SHANK2: variants seen among roughly 807,000 people sequenced by gnomAD.
SHANK2 encodes SH3 and multiple ankyrin repeat domains 2.
SHANK2 carries 43 observed loss-of-function variants against 133.7 expected under a neutral mutation model. The ratio of observed to expected loss-of-function variants is 0.32; its 90% CI spans 0.25 to 0.41. The LOEUF is 0.41. Among genes scored for constraint, SHANK2 ranks in the 10% least tolerant of loss-of-function variants. The pLI, the probability that SHANK2 is intolerant of heterozygous loss-of-function variation, is 1.00. For missense variants in SHANK2, 1,994 were observed against 2,235.8 expected (o/e 0.89, Z 2.18); for synonymous variants, 1,017 against 952.8 (o/e 1.07, Z -1.24).
intron 11 of SHANK2, among the ~76,000 whole-genome samples, chr11:70,847,728 A>T (rs1949017266): frequency 6.6e-6 from 1 of 152,136 alleles, no homozygotes; most frequent in South Asian, 2.1e-4. Context: ...AAACTCTCCC[A>T]CATCCCCACA....
At chr11:70,566,723 C>T (rs1554981959) in intron 17 of SHANK2, 1 of 152,206 alleles carries the variant, frequency 6.6e-6, no homozygotes, top group African/African-American at 2.4e-5. Flanking sequence ...GAGCAGCTAT[C>T]CTGGCTTGCA....
rs1555159203 is a variant in SHANK2, at chr11:70,502,922, C to T, written c.2071G>A (p.Glu691Lys). 1 of 1,614,130 alleles carries T rather than the reference C, an allele frequency of 6.2e-7. No homozygotes were observed. The highest frequency in any genetic ancestry group is 8.5e-7 in the Non-Finnish European group (1 of 1,180,016). The part of the protein sequence containing the change: ...TGDFLIEVNN[E>K]NVVKVGHRQV... Reference sequence around the variant, plus strand: ...CTGTGGCCGACTTTGACAACATTCTCATTGTTAACCTGTGGGAAGGCGGAG... The same window carrying T: ...CTGTGGCCGACTTTGACAACATTCTTATTGTTAACCTGTGGGAAGGCGGAG... The change falls in exon 18 of 26, where the codon GAG becomes AAG. Residue 691 changes from glutamate (E) to lysine (K), a missense_variant. Around this residue, in one of 5 missense-constraint regions of SHANK2, gnomAD observed 488 missense variants for 642.6 expected, o/e 0.76. Coordinates refer to ENST00000601538, the MANE Select transcript of SHANK2 (RefSeq NM_012309.5).
chr11:71,253,115 G>A (rs932544900), upstream of SHANK2, among the ~76,000 whole-genome samples: 10 of 152,146 alleles, frequency 6.6e-5, no homozygotes, highest in African/African-American at 9.7e-5. Flanking sequence ...CGGTATCTCC[G>A]CCAGCTGCCC....
At chr11:70,879,109 C>G (rs575741291) in intron 11 of SHANK2, among the ~76,000 whole-genome samples, 1 of 152,310 alleles carries the variant, frequency 6.6e-6, no homozygotes, top group Admixed American at 6.5e-5. Flanking sequence ...ACTGATGCCT[C>G]CATCTGGCAC....
rs115504459 is a variant in SHANK2 at position 70,568,937 on chromosome 11, G to A, written c.2062-66006C>T. Among the ~76,000 whole-genome samples, 690 of 152,290 alleles carry A rather than the reference G, an allele frequency of 4.5e-3. 6 individuals carry two copies. The highest frequency in any genetic ancestry group is 0.016 in the African/African-American group (664 of 41,570). ...AAGCCTGCCTGTGTCCAGCAAGAGT[G>A]CAGCTGTGTGGCCAGTGGACTCAGC... On this transcript the variant is annotated intron_variant, in intron 17 of 25. Transcript: ENST00000601538.
At position 70,828,951 on chromosome 11, in the gene SHANK2, C is replaced by T. The variant is rs545321153; in HGVS notation, c.1175-8269G>A. Among the ~76,000 whole-genome samples the T allele has an allele frequency of 3.6e-4, 55 of 152,382 alleles. No homozygotes were observed. The South Asian group carries it at 0.011, about 32-fold the overall frequency. On this transcript the variant is annotated intron_variant, in intron 11 of 25. Transcript: ENST00000601538. ...TGAGCCAATCACTGCTCCGGCGCTG[C>T]TGCCTCTGCGGCCTGCCATGGTGTG...
chr11:70,575,784 C>T (rs558364267), intron 17 of SHANK2, among the ~76,000 whole-genome samples: 187 of 151,574 alleles, frequency 1.2e-3, no homozygotes, highest in African/African-American at 4.3e-3. Flanking sequence ...GCATAGCCCC[C>T]GCCCGTGGTG....
At chr11:70,575,439 A>G (rs1177702340) in intron 17 of SHANK2, among the ~76,000 whole-genome samples, 1 of 150,404 alleles carries the variant, frequency 6.6e-6, no homozygotes, top group Non-Finnish European at 1.5e-5. Context: ...GAATTGCTTG[A>G]ACCCGGGAGG....
intron 14 of SHANK2, among the ~76,000 whole-genome samples, chr11:70,699,088 C>A (rs782465403): frequency 2.4e-4 from 36 of 152,138 alleles, no homozygotes; most frequent in Non-Finnish European, 5.0e-4. Flanking sequence ...CAGCTCAGAC[C>A]CCAACAGGGC....
intron 14 of SHANK2, among the ~76,000 whole-genome samples, chr11:70,729,547 T>C (rs748732720): frequency 1.5e-3 from 217 of 149,418 alleles, no homozygotes; most frequent in Non-Finnish European, 2.2e-3. Flanking sequence ...TTTTTTGAGA[T>C]GGAGTCTCAC....
At chr11:71,173,117 G>A (rs571415007) in intron 2 of SHANK2, among the ~76,000 whole-genome samples, 4 of 152,354 alleles carry the variant, frequency 2.6e-5, no homozygotes, top group African/African-American at 9.6e-5. Context: ...CTTGTTTGAT[G>A]AAGTGTCTTA....
chr11:70,643,094 G>GC (rs1214791099), intron 17 of SHANK2, among the ~76,000 whole-genome samples: 1 of 152,124 alleles, frequency 6.6e-6, no homozygotes, highest in African/African-American at 2.4e-5. Context: ...AAATAGCTGA[G>GC]CCCCCTGTGA....
At chr11:70,630,400 C>T (rs782626849) in intron 17 of SHANK2, among the ~76,000 whole-genome samples, 2 of 152,188 alleles carry the variant, frequency 1.3e-5, no homozygotes, top group African/African-American at 2.4e-5. Flanking sequence ...AAGAGATCTG[C>T]GGACAAAGTG....
chr11:71,150,656 G>A (rs1345752937), intron 2 of SHANK2, among the ~76,000 whole-genome samples: 17 of 152,046 alleles, frequency 1.1e-4, no homozygotes, highest in African/African-American at 2.2e-4. Flanking sequence ...CATGTCCAGC[G>A]CATGTTCTTT....
At chr11:70,512,638 CTTCCTGAAGAAATAT>C (rs1554969457) in intron 17 of SHANK2, among the ~76,000 whole-genome samples, 1 of 152,174 alleles carries the variant, frequency 6.6e-6, no homozygotes, top group Non-Finnish European at 1.5e-5. Context: ...TTAAGTTTGT[CTTCCTGAAGAAATAT>C]TTCCTGAAGA....
At chr11:71,074,322 T>C (rs1951190778) in intron 9 of SHANK2, among the ~76,000 whole-genome samples, 2 of 152,144 alleles carry the variant, frequency 1.3e-5, no homozygotes, top group Non-Finnish European at 2.9e-5. Context: ...TAATGATGGT[T>C]TTGCAAATCA....
chr11:70,712,738 G>A (rs185165690), intron 14 of SHANK2, among the ~76,000 whole-genome samples: 13 of 152,324 alleles, frequency 8.5e-5, no homozygotes, highest in African/African-American at 2.6e-4. Flanking sequence ...TCGGCTAAAA[G>A]CGCCCAGCTC....
At chr11:70,700,981 T>C (rs1555023475) in intron 14 of SHANK2, among the ~76,000 whole-genome samples, 1 of 152,254 alleles carries the variant, frequency 6.6e-6, no homozygotes, top group African/African-American at 2.4e-5. Flanking sequence ...AGGGACTGGC[T>C]GTTAATTGCT....
At chr11:70,521,379 T>G (rs1478746861) in intron 17 of SHANK2, among the ~76,000 whole-genome samples, 3 of 152,274 alleles carry the variant, frequency 2.0e-5, no homozygotes, top group African/African-American at 7.2e-5. Context: ...TGACATAATT[T>G]GTTAATGCCA....
Sources: allele counts gnomAD v4.1 joint callset (sites outside exome capture counted in the v4.1 genomes callset), GRCh38; gene constraint gnomAD v4.1.1; regional missense constraint gnomAD v4.1.1; transcripts MANE v1.5; gene names NCBI Gene and HGNC (gene_info 2026-07-23, HGNC 2026-07-21).